The following SMC1B variants were observed in gnomAD, a reference collection of about 807,000 sequenced individuals.
SMC1B encodes the protein structural maintenance of chromosomes 1B.
A neutral mutation model predicts 157.9 loss-of-function variants in SMC1B; 60 were observed. That is an observed-to-expected ratio of 0.38 (90% CI 0.31 to 0.47). The LOEUF is 0.47. SMC1B is among the 20% of genes least tolerant of loss of function. The pLI, the probability that SMC1B is intolerant of heterozygous loss-of-function variation, is 0.99. For synonymous variants in SMC1B, 445 were observed against 483.0 expected (o/e 0.92, Z 1.03); for missense variants, 1,165 against 1,426.2 (o/e 0.82, Z 2.95).
intron 9 of SMC1B, among the ~76,000 whole-genome samples, chr22:45,391,167 C>A (rs78005104): frequency 1.3e-5 from 2 of 151,682 alleles, no homozygotes; most frequent in African/African-American, 4.9e-5. Context: ...AAACTATAGG[C>A]GCACACCATC....
chr22:45,359,710 C>A, intron 18 of SMC1B, 95 bp downstream of exon 18: 1 of 1,384,152 alleles, frequency 7.2e-7, no homozygotes, highest in South Asian at 1.4e-5. Context: ...TTCACCACCC[C>A]TAAAGGGGCT....
Position 45,388,045 on chromosome 22 carries a change from C to CA in SMC1B, c.1732-1000dup, listed in dbSNP as rs1388545586. 6.4e-3 allele frequency among the ~76,000 whole-genome samples: 876 copies of CA among 136,720 alleles called. 7 individuals carry two copies. The highest frequency in any genetic ancestry group is 0.023 in the African/African-American group (821 of 35,604). The allele number at this position is 136,720 out of a possible 152,430, so 89.7% of individuals were successfully genotyped here. ...GAGCCTCTGTCAAAAAAAAAAACAGCAAAAAAAACCCACAAACAAAACACT... is the reference window on the plus strand; with the variant it reads ...GAGCCTCTGTCAAAAAAAAAAACAGCAAAAAAAAACCCACAAACAAAACACT... On this transcript the variant is annotated intron_variant, in intron 10 of 24. Coordinates refer to ENST00000357450, the MANE Select transcript of SMC1B (RefSeq NM_148674.5).
chr22:45,401,435 C>T (rs1264016787), intron 5 of SMC1B, among the ~76,000 whole-genome samples: 3 of 152,232 alleles, frequency 2.0e-5, no homozygotes, highest in East Asian at 3.8e-4. Context: ...CAGCTATGTT[C>T]AACATGAAGG....
chr22:45,388,986 C>CAAAAAAAAAAAAAAAAAAAGAAAAA (rs371475132), intron 10 of SMC1B, among the ~76,000 whole-genome samples: 1 of 54,474 alleles, frequency 1.8e-5, no homozygotes, highest in Non-Finnish European at 3.5e-5. Flanking sequence ...GACTCTGCCT[C>CAAAAAAAAAAAAAAAAAAAGAAAAA]AAAAAAAAAA....
chr22:45,358,527 G>A (rs540811524), intron 19 of SMC1B, among the ~76,000 whole-genome samples, 170 bp downstream of exon 19: 2 of 152,266 alleles, frequency 1.3e-5, no homozygotes, highest in African/African-American at 4.8e-5. Context: ...CCCACAATTT[G>A]TGTCAGAAGT....
chr22:45,346,843 C>G (rs2086557013), intron 23 of SMC1B, among the ~76,000 whole-genome samples: 1 of 152,188 alleles, frequency 6.6e-6, no homozygotes, highest in African/African-American at 2.4e-5. Context: ...GTTCTTCATA[C>G]TACATAACTG....
chr22:45,359,697 G>C (rs1331130619), intron 18 of SMC1B, 108 bp downstream of exon 18: 4 of 1,219,832 alleles, frequency 3.3e-6, no homozygotes, highest in Non-Finnish European at 4.5e-6. Context: ...CCTATGAGAT[G>C]TCTTCACCAC....
chr22:45,347,801 T>A (rs1027730641), intron 23 of SMC1B, among the ~76,000 whole-genome samples: 1 of 152,154 alleles, frequency 6.6e-6, no homozygotes, highest in African/African-American at 2.4e-5. Context: ...TCTCTCAACA[T>A]GACCAGAGCA....
chr22:45,357,426 T>C (rs1279489264), intron 19 of SMC1B, among the ~76,000 whole-genome samples: 1 of 152,254 alleles, frequency 6.6e-6, no homozygotes, highest in East Asian at 1.9e-4. Flanking sequence ...TGCCACACCA[T>C]CACCTACAAT....
chr22:45,401,779 C>T (rs2087197098), intron 5 of SMC1B, among the ~76,000 whole-genome samples: 1 of 152,194 alleles, frequency 6.6e-6, no homozygotes, highest in South Asian at 2.1e-4. Flanking sequence ...CTATTAAACC[C>T]ACTCTTAACC....
chr22:45,374,408 G>A (rs1490093920), intron 12 of SMC1B, among the ~76,000 whole-genome samples: 1 of 152,086 alleles, frequency 6.6e-6, no homozygotes, highest in Non-Finnish European at 1.5e-5. Context: ...CAAATATCAG[G>A]CCCAGTACAA....
At chr22:45,404,474 A>G (rs555774129) in intron 4 of SMC1B, among the ~76,000 whole-genome samples, 2 of 152,320 alleles carry the variant, frequency 1.3e-5, no homozygotes, top group East Asian at 3.9e-4. Context: ...GAGACAACCA[A>G]CTAAGAGTCC....
chr22:45,344,592 G>A lies in SMC1B; in HGVS notation c.3672C>T (p.Gly1224=). The change falls in exon 25 of 25, where the codon GGC becomes GGT. Residue 1224 remains glycine, a synonymous_variant. Transcript: ENST00000357450. ...LDLSQYPDTE[G]QESSKRHGES... Reference sequence around the variant, plus strand: ...CTCCGTGTCTCTTGCTGCTTTCTTGGCCTTCAGTGTCTGGATACTGAGAAA... The same window carrying A: ...CTCCGTGTCTCTTGCTGCTTTCTTGACCTTCAGTGTCTGGATACTGAGAAA... 6.2e-7 allele frequency: 1 copy of A among 1,614,098 alleles called. No individual in the cohort carries two copies. Among genetic ancestry groups the A allele is most frequent in the East Asian group, 2.2e-5 (1 of 44,886 alleles).
intron 1 of SMC1B, among the ~76,000 whole-genome samples, chr22:45,410,094 C>G (rs2087314291): frequency 6.6e-6 from 1 of 152,226 alleles, no homozygotes; most frequent in South Asian, 2.1e-4. Flanking sequence ...TGGGTAAGGA[C>G]TTGGAATCTT....
rs1259502190 is a variant in SMC1B, at chr22:45,383,544, A to G, written c.1981T>C (p.Tyr661His). Residue 661 changes from tyrosine (Y) to histidine (H), a missense_variant, in exon 12 of 25, where the codon TAC (tyrosine) becomes CAC (histidine). Tyr to His is a moderately conservative substitution (Grantham distance 83). Coordinates refer to ENST00000357450, the MANE Select transcript of SMC1B (RefSeq NM_148674.5). ...TTCTCATCCCAGCATCTAGCCTTGTATTTTAAGTCACTTGACCCTCCAGAG... is the reference window on the plus strand; with the variant it reads ...TTCTCATCCCAGCATCTAGCCTTGTGTTTTAAGTCACTTGACCCTCCAGAG... ...VISGGSSDLK[Y>H]KARCWDEKEL... is the part of the protein sequence containing the mutation. The G allele has an allele frequency of 1.2e-6, 2 of 1,610,420 alleles. No homozygotes were observed. Among genetic ancestry groups the G allele is most frequent in the South Asian group, 2.2e-5 (2 of 90,648 alleles).
intron 14 of SMC1B, 93 bp downstream of exon 14, chr22:45,371,378 A>G: frequency 7.1e-7 from 1 of 1,403,376 alleles, no homozygotes; most frequent in East Asian, 2.9e-5. Flanking sequence ...TTACCTATCA[A>G]CCTTTGCTTT....
intron 6 of SMC1B, among the ~76,000 whole-genome samples, chr22:45,398,170 C>T (rs1030109309): frequency 2.0e-5 from 3 of 152,204 alleles, no homozygotes; most frequent in Admixed American, 6.5e-5. Flanking sequence ...TGTAACACCC[C>T]CTCTGGGGCT....
chr22:45,411,036 A>G (rs1414095694), intron 1 of SMC1B, among the ~76,000 whole-genome samples: 8 of 152,266 alleles, frequency 5.3e-5, no homozygotes, highest in East Asian at 1.9e-4. Flanking sequence ...TTTAAAATCA[A>G]TAAGTCAATC....
chr22:45,401,569 A>G (rs1011777250), intron 5 of SMC1B, among the ~76,000 whole-genome samples: 6 of 152,246 alleles, frequency 3.9e-5, no homozygotes, highest in African/African-American at 1.4e-4. Flanking sequence ...TTTGTGCACT[A>G]TGCAAATGGC....
Sources: allele counts gnomAD v4.1 joint callset (sites outside exome capture counted in the v4.1 genomes callset), GRCh38; gene constraint gnomAD v4.1.1; transcripts MANE v1.5; gene names NCBI Gene and HGNC (gene_info 2026-07-23, HGNC 2026-07-21).